CACNA2D3: variants seen among roughly 807,000 people sequenced by gnomAD.
CACNA2D3 encodes the protein voltage-dependent calcium channel subunit alpha-2/delta-3.
In CACNA2D3, 60 loss-of-function variants were observed where a neutral mutation model predicts 160.6. The observed-to-expected ratio is 0.37, with a 90% CI of 0.30 to 0.46. The LOEUF is 0.46. Ranked by LOEUF, CACNA2D3 falls within the 20% of genes least tolerant of loss-of-function variation. The probability of loss-of-function intolerance (pLI) is 1.00; values close to 1 mark genes in which losing one functional copy is unlikely to be tolerated. For synonymous variants in CACNA2D3, 558 were observed against 492.9 expected (o/e 1.13, Z -1.75); for missense variants, 1,205 against 1,365.0 (o/e 0.88, Z 1.85).
At chr3:54,950,309 AT>A (rs1310337440) in intron 27 of CACNA2D3, among the ~76,000 whole-genome samples, 3 of 152,196 alleles carry the variant, frequency 2.0e-5, no homozygotes, top group African/African-American at 7.2e-5. Flanking sequence ...GCTGGGAGAG[AT>A]TTATTTTAAT....
At chr3:54,909,517 A>G (rs1700513927) in intron 27 of CACNA2D3, among the ~76,000 whole-genome samples, 2 of 152,174 alleles carry the variant, frequency 1.3e-5, no homozygotes, top group African/African-American at 2.4e-5. Flanking sequence ...AGGGACGGGC[A>G]TGAGCAGAAT....
At chr3:54,157,911 G>A (rs1389347627) in intron 2 of CACNA2D3, among the ~76,000 whole-genome samples, 1 of 151,776 alleles carries the variant, frequency 6.6e-6, no homozygotes, top group Non-Finnish European at 1.5e-5. Flanking sequence ...TCCTTGTAAC[G>A]ATTACATGCA....
chr3:54,590,525 C>G (rs966560868), intron 9 of CACNA2D3, among the ~76,000 whole-genome samples: 2 of 151,974 alleles, frequency 1.3e-5, no homozygotes, highest in African/African-American at 4.8e-5. Flanking sequence ...ATGTCAGTAT[C>G]CCTTGTGATG....
At chr3:54,744,451 C>T (rs1701711384) in intron 11 of CACNA2D3, among the ~76,000 whole-genome samples, 1 of 152,000 alleles carries the variant, frequency 6.6e-6, no homozygotes, top group Non-Finnish European at 1.5e-5. Flanking sequence ...TTGGATTTTG[C>T]GGGGAGGAAG....
At chr3:54,951,519 T>G (rs1701756308) in intron 27 of CACNA2D3, among the ~76,000 whole-genome samples, 1 of 152,176 alleles carries the variant, frequency 6.6e-6, no homozygotes, top group African/African-American at 2.4e-5. Context: ...TCAGTTACTG[T>G]GAACTTTGAA....
At chr3:55,006,981 G>A (rs778921553) in intron 32 of CACNA2D3, among the ~76,000 whole-genome samples, 1 of 152,116 alleles carries the variant, frequency 6.6e-6, no homozygotes, top group African/African-American at 2.4e-5. Context: ...CCCAGAGCCC[G>A]GGATTTGCCA....
At chr3:54,512,303 A>G (rs56162158) in intron 5 of CACNA2D3, among the ~76,000 whole-genome samples, 14,457 of 152,264 alleles carry the variant, frequency 0.095, 1,410 homozygotes, top group African/African-American at 0.24. Context: ...CTTCTTGCTT[A>G]TCTGTGCAAA....
chr3:54,142,839 A>G (rs1699961320), intron 2 of CACNA2D3, among the ~76,000 whole-genome samples: 1 of 152,238 alleles, frequency 6.6e-6, no homozygotes, highest in Admixed American at 6.5e-5. Context: ...TTTTGACTCC[A>G]GTGCCTATGT....
chr3:54,403,976 A>G (rs957705210), intron 4 of CACNA2D3, among the ~76,000 whole-genome samples: 2 of 152,232 alleles, frequency 1.3e-5, no homozygotes, highest in Non-Finnish European at 2.9e-5. Flanking sequence ...GCAATAACAA[A>G]GAGATTGAAG....
intron 25 of CACNA2D3, among the ~76,000 whole-genome samples, chr3:54,895,049 T>A (rs1700156901): frequency 6.6e-6 from 1 of 152,012 alleles, no homozygotes; most frequent in Non-Finnish European, 1.5e-5. Context: ...TCAGTAAGAG[T>A]CAAGATCAAA....
chr3:54,599,153 C>T (rs2106769899), intron 9 of CACNA2D3, among the ~76,000 whole-genome samples: 1 of 152,260 alleles, frequency 6.6e-6, no homozygotes, highest in African/African-American at 2.4e-5. Flanking sequence ...ATCAGGACAA[C>T]AGGAATATAG....
chr3:54,606,732 A>C (rs1698635515), intron 9 of CACNA2D3, among the ~76,000 whole-genome samples: 1 of 152,138 alleles, frequency 6.6e-6, no homozygotes, highest in South Asian at 2.1e-4. Flanking sequence ...CTGTGCGCAC[A>C]CACTGGAGCA....
intron 4 of CACNA2D3, among the ~76,000 whole-genome samples, chr3:54,444,387 C>T (rs370687398): frequency 6.6e-6 from 1 of 152,118 alleles, no homozygotes; most frequent in East Asian, 1.9e-4. Context: ...TCTGTGAGGT[C>T]CCCTGTGTGT....
intron 8 of CACNA2D3, among the ~76,000 whole-genome samples, chr3:54,574,863 A>T (rs957636369): frequency 1.3e-5 from 2 of 152,264 alleles, no homozygotes; most frequent in African/African-American, 4.8e-5. Flanking sequence ...GCAGACTTGA[A>T]TTAAGAAGAG....
At chr3:54,630,894 A>G (rs1699222369) in intron 10 of CACNA2D3, among the ~76,000 whole-genome samples, 1 of 152,110 alleles carries the variant, frequency 6.6e-6, no homozygotes, top group African/African-American at 2.4e-5. Flanking sequence ...AGCCGAATAA[A>G]TGTTTTTTAA....
chr3:54,644,324 G>T (rs1699589728), intron 11 of CACNA2D3, among the ~76,000 whole-genome samples: 2 of 151,994 alleles, frequency 1.3e-5, no homozygotes, highest in South Asian at 4.2e-4. Context: ...TTTTCTTTCT[G>T]TAGCAAAAGG....
intron 34 of CACNA2D3, among the ~76,000 whole-genome samples, chr3:55,014,629 G>A (rs1324282988): frequency 1.3e-5 from 2 of 152,158 alleles, no homozygotes; most frequent in Non-Finnish European, 2.9e-5. Flanking sequence ...CTACTTGGGA[G>A]GCTAAGGTAG....
rs1703076202 is a variant in CACNA2D3, at chr3:54,287,936, G to A, written c.205-32506G>A. Among the ~76,000 whole-genome samples, 3 of 150,238 alleles carry A rather than the reference G, an allele frequency of 2.0e-5. No homozygotes were observed. The South Asian group carries it at 6.6e-4, about 33-fold the overall frequency. ...GGACGCATTCAGAGCAGTGTGTAGA[G>A]GGAAATTTATAGCACTAAATGCCCA... On this transcript the variant is annotated intron_variant, in intron 2 of 37. Coordinates refer to ENST00000474759, the MANE Select transcript of CACNA2D3 (RefSeq NM_018398.3).
At chr3:54,240,092 GACA>G (rs1191548815) in intron 2 of CACNA2D3, among the ~76,000 whole-genome samples, 1 of 152,186 alleles carries the variant, frequency 6.6e-6, no homozygotes, top group Non-Finnish European at 1.5e-5. Context: ...TGGCATTTAT[GACA>G]ACAGCGTCTG....
Sources: gnomAD v4.1 joint callset for allele counts (sites outside exome capture counted in the v4.1 genomes callset) on GRCh38, gnomAD v4.1.1 for gene constraint, MANE v1.5 for transcripts, NCBI Gene and HGNC (gene_info 2026-07-23, HGNC 2026-07-21) for gene names.